Variants in SOX5 observed in about 807,000 individuals in gnomAD.
SOX5 encodes the protein SRY-box transcription factor 5.
Under a neutral mutation model 92.0 loss-of-function variants are expected in SOX5, and 9 were observed. That is an observed-to-expected ratio of 0.10 (90% confidence interval 0.06 to 0.17). The LOEUF is 0.17. SOX5 is among the 10% of genes least tolerant of loss of function. The probability of loss-of-function intolerance (pLI) is 1.00; values close to 1 mark genes in which losing one functional copy is unlikely to be tolerated. For missense variants in SOX5, 642 were observed against 944.5 expected (o/e 0.68, Z 4.20); for synonymous variants, 344 against 336.3 (o/e 1.02, Z -0.25).
intron 4 of SOX5, among the ~76,000 whole-genome samples, chr12:24,186,220 A>C (rs1051068294): frequency 3.9e-5 from 6 of 152,182 alleles, no homozygotes; most frequent in Admixed American, 6.6e-5. Context: ...AAGGTAGCAA[A>C]ATATTTAGAG....
chr12:23,543,377 A>T lies in SOX5; in HGVS notation c.1605T>A (p.Ala535=). 1.2e-6 allele frequency: 2 copies of T among 1,613,354 alleles called. No homozygotes were observed. The highest frequency in any genetic ancestry group is 1.7e-6 in the Non-Finnish European group (2 of 1,179,480). ...TATAAATTCTTGACTCTGAGACTCC[A>T]GCACTTCCTGAAAACAGGAAACATC... The part of the protein sequence containing the change: ...FNLSGDSDGS[A]GVSESRIYRE... The change falls in exon 13 of 15, where the codon GCT becomes GCA. Residue 535 remains alanine, a synonymous_variant. Transcript: ENST00000451604.
chr12:23,717,475 G>T (rs1187726664), intron 6 of SOX5, among the ~76,000 whole-genome samples: 2 of 151,978 alleles, frequency 1.3e-5, no homozygotes, highest in Non-Finnish European at 2.9e-5. Flanking sequence ...TTTCACTTTT[G>T]GGAAGCTATT....
intron 4 of SOX5, among the ~76,000 whole-genome samples, chr12:24,173,112 G>A (rs535988201): frequency 1.5e-4 from 23 of 152,234 alleles, no homozygotes; most frequent in Admixed American, 9.8e-4. Flanking sequence ...TCACACTCCC[G>A]TGCCATCTTC....
chr12:24,271,925 C>G (rs1463242217), intron 3 of SOX5, among the ~76,000 whole-genome samples: 1 of 151,950 alleles, frequency 6.6e-6, no homozygotes, highest in East Asian at 1.9e-4. Context: ...AGTATCTTGA[C>G]TATCTTTTGC....
chr12:24,352,809 T>C (rs1015050807), intron 2 of SOX5, among the ~76,000 whole-genome samples: 3 of 152,210 alleles, frequency 2.0e-5, no homozygotes, highest in Non-Finnish European at 2.9e-5. Flanking sequence ...CAGCTGCCCC[T>C]TGGCCATGCT....
intron 4 of SOX5, among the ~76,000 whole-genome samples, chr12:23,969,723 A>T (rs1276291457): frequency 2.0e-5 from 3 of 152,336 alleles, no homozygotes; most frequent in East Asian, 3.9e-4. Context: ...GTTGTTAATT[A>T]TTCCATTTAT....
At chr12:24,231,519 G>C (rs895190977) in intron 3 of SOX5, among the ~76,000 whole-genome samples, 1 of 152,170 alleles carries the variant, frequency 6.6e-6, no homozygotes, top group Non-Finnish European at 1.5e-5. Context: ...TTGGCTGCTT[G>C]TACATTCTAA....
At chr12:23,902,947 C>A (rs1007976719) in intron 1 of SOX5, among the ~76,000 whole-genome samples, 1 of 152,022 alleles carries the variant, frequency 6.6e-6, no homozygotes, top group Non-Finnish European at 1.5e-5. Flanking sequence ...CTATTTTATG[C>A]CAAGCAAGTT....
rs372718501 is a variant in SOX5, at chr12:23,846,307, A to C, written c.271-114T>G. 1.2e-5 allele frequency: 10 copies of C among 842,774 alleles called. No individual in the cohort carries two copies. The African/African-American group carries it at 1.5e-4, about 13-fold the overall frequency. The allele number at this position is 842,774 out of a possible 1,614,324, so 52.2% of individuals were successfully genotyped here. On this transcript the variant is annotated intron_variant, in intron 2 of 14. Coordinates refer to ENST00000451604, the MANE Select transcript of SOX5 (RefSeq NM_006940.6). ...AAGGACAAATAATTGTTTAAAATTC[A>C]GTAACTTTAAAAAATTGGTTATATG...
At chr12:23,534,648 A>T (rs1165315702) in intron 14 of SOX5, 126 bp from the exon 15 acceptor site, 18 of 687,614 alleles carry the variant, frequency 2.6e-5, no homozygotes, top group Non-Finnish European at 3.8e-5. Context: ...TAATTGCCTA[A>T]CATTTTTCAA....
At chr12:23,840,645 T>C (rs1018278477) in intron 3 of SOX5, among the ~76,000 whole-genome samples, 3 of 152,078 alleles carry the variant, frequency 2.0e-5, no homozygotes, top group Non-Finnish European at 2.9e-5. Flanking sequence ...AACTGATCAA[T>C]GGAACAAAAT....
chr12:23,831,300 G>C (rs1034549301), intron 3 of SOX5, among the ~76,000 whole-genome samples: 5 of 151,830 alleles, frequency 3.3e-5, no homozygotes, highest in Admixed American at 2.6e-4. Flanking sequence ...GATAAATAAT[G>C]AACAATGGAT....
chr12:23,713,344 A>C (rs929927202), intron 6 of SOX5, among the ~76,000 whole-genome samples: 1 of 152,138 alleles, frequency 6.6e-6, no homozygotes. Flanking sequence ...GAGGGAATAA[A>C]TTTCACTTGT....
intron 3 of SOX5, among the ~76,000 whole-genome samples, chr12:24,223,995 TC>T (rs1425861071): frequency 6.6e-6 from 1 of 152,146 alleles, no homozygotes; most frequent in Non-Finnish European, 1.5e-5. Context: ...GCAAAGGTGG[TC>T]GCATGAACTA....
chr12:24,525,068 T>A (rs542215396), intron 1 of SOX5, among the ~76,000 whole-genome samples: 1 of 152,278 alleles, frequency 6.6e-6, no homozygotes, highest in African/African-American at 2.4e-5. Context: ...TGAATTAAAA[T>A]CAAAATCTCA....
intron 1 of SOX5, among the ~76,000 whole-genome samples, chr12:24,515,547 T>C (rs1254590258): frequency 3.9e-5 from 6 of 152,144 alleles, no homozygotes; most frequent in Non-Finnish European, 8.8e-5. Flanking sequence ...TAAAACTAAA[T>C]GGGATTATCC....
intron 8 of SOX5, among the ~76,000 whole-genome samples, chr12:23,617,081 T>G (rs2137952024): frequency 6.9e-6 from 1 of 145,036 alleles, no homozygotes. Context: ...GCTGTGATTG[T>G]GGCACTGCAC....
At chr12:24,353,280 C>A (rs1185548009) in intron 2 of SOX5, among the ~76,000 whole-genome samples, 2 of 152,148 alleles carry the variant, frequency 1.3e-5, no homozygotes, top group Admixed American at 1.3e-4. Context: ...ATGGAGCAAC[C>A]CTTTACTCGA....
chr12:23,695,576 T>C (rs1301234765), intron 6 of SOX5, among the ~76,000 whole-genome samples: 1 of 152,110 alleles, frequency 6.6e-6, no homozygotes, highest in Admixed American at 6.5e-5. Flanking sequence ...GAATTTGTAG[T>C]AGAAAATTAT....
Sources: allele counts gnomAD v4.1 joint callset (sites outside exome capture counted in the v4.1 genomes callset), GRCh38; gene constraint gnomAD v4.1.1; transcripts MANE v1.5; gene names NCBI Gene and HGNC (gene_info 2026-07-23, HGNC 2026-07-21).